The following EFNB2 variants were observed in gnomAD, a reference collection of about 807,000 sequenced individuals.
EFNB2 encodes ephrin B2, also known as ephrin-B2.
A neutral mutation model predicts 32.1 loss-of-function variants in EFNB2; 5 were observed. That is an observed-to-expected ratio of 0.16 (90% CI 0.08 to 0.33). The LOEUF (loss-of-function observed/expected upper bound fraction) is 0.33, where lower values mean the gene tolerates loss of function less well. EFNB2 is among the 10% of genes least tolerant of loss of function. EFNB2 has a pLI of 1.00. For missense variants in EFNB2, 263 were observed against 422.6 expected, an observed-to-expected ratio of 0.62 and a Z score of 3.31; for synonymous variants, 168 against 166.5, an observed-to-expected ratio of 1.01 and a Z score of -0.07.
intron 1 of EFNB2, among the ~76,000 whole-genome samples, chr13:106,531,487 T>C (rs534438748): frequency 1.2e-4 from 18 of 152,320 alleles, no homozygotes; most frequent in African/African-American, 3.6e-4. Flanking sequence ...CTGTGGAGCA[T>C]AGTTCAAGGG....
At chr13:106,513,459 G>A (rs1023171513) in intron 1 of EFNB2, among the ~76,000 whole-genome samples, 2 of 152,186 alleles carry the variant, frequency 1.3e-5, no homozygotes, top group African/African-American at 4.8e-5. Flanking sequence ...GCAAAATGAA[G>A]TGTCCTCTAC....
Position 106,492,788 on chromosome 13 carries a change from C to T in EFNB2, c.*252G>A, listed in dbSNP as rs981939826. On this transcript the variant is annotated 3_prime_UTR_variant, in exon 5 of 5. Coordinates refer to ENST00000646441, the MANE Select transcript of EFNB2 (RefSeq NM_004093.4). This position sits in a 1 kb window ranked among gnomAD's most constrained non-coding sequence, Gnocchi z 5.1. ...GGCTTCGAGGAGGAGACGTGGGACG[C>T]GGCACAGCAGTCCGAATGGGCGTCT... 17 of 442,850 alleles carry T rather than the reference C, an allele frequency of 3.8e-5. No individual in the cohort carries two copies. The highest frequency in any genetic ancestry group is 8.3e-5 in the South Asian group (2 of 24,082). The allele number at this position is 442,850 out of a possible 1,614,324, so 27.4% of individuals were successfully genotyped here. A position where few individuals can be genotyped will look rare whatever the true frequency, so the allele number is the denominator to read the frequency against.
intron 1 of EFNB2, among the ~76,000 whole-genome samples, chr13:106,526,929 G>A (rs1879719468): frequency 6.6e-6 from 1 of 152,182 alleles, no homozygotes; most frequent in Non-Finnish European, 1.5e-5. Flanking sequence ...TAGGTGCCCC[G>A]CAGGGAATGT....
chr13:106,496,067 T>G (rs558055467), intron 2 of EFNB2, among the ~76,000 whole-genome samples: 3 of 152,306 alleles, frequency 2.0e-5, no homozygotes, highest in African/African-American at 7.2e-5. Context: ...GCTATCTGAC[T>G]CCAAATTTAT....
chr13:106,524,080 G>T (rs1418745752), intron 1 of EFNB2, among the ~76,000 whole-genome samples: 1 of 152,072 alleles, frequency 6.6e-6, no homozygotes, highest in Non-Finnish European at 1.5e-5. Context: ...CCTTTAAATG[G>T]GCTGATCATT....
chr13:106,533,397 A>C (rs1342350858), intron 1 of EFNB2, among the ~76,000 whole-genome samples: 1 of 152,228 alleles, frequency 6.6e-6, no homozygotes, highest in Non-Finnish European at 1.5e-5. Flanking sequence ...CCAGTACTTC[A>C]TCAGCAAATA....
At chr13:106,503,686 G>A (rs1002479821) in intron 2 of EFNB2, among the ~76,000 whole-genome samples, 1 of 152,130 alleles carries the variant, frequency 6.6e-6, no homozygotes, top group African/African-American at 2.4e-5. Context: ...ACAGGGCCAT[G>A]TGGATATCTT....
Position 106,501,090 on chromosome 13 carries a change from A to G in EFNB2, c.407-5250T>C, listed in dbSNP as rs117924256. Among the ~76,000 whole-genome samples the G allele has an allele frequency of 2.3e-3, 356 of 152,334 alleles. 1 individual carries two copies. The highest frequency in any genetic ancestry group is 4.3e-3 in the Non-Finnish European group (290 of 68,016). On this transcript the variant is annotated intron_variant, in intron 2 of 4. Transcript: ENST00000646441. ...TTATCTATTTAACACCCTGACATCA[A>G]TTCAAACTATGTACTCTAGAAACAA...
rs755606363 is a variant in EFNB2 at position 106,493,264 on chromosome 13, A to G, written c.778T>C (p.Ser260Pro). The change falls in exon 5 of 5, where the codon TCG becomes CCG. Residue 260 changes from serine (S) to proline (P), a missense_variant. By Grantham distance (74) the Ser-to-Pro change is moderately conservative. Transcript: ENST00000646441. The surrounding 1 kb of genome is among the most constrained non-coding windows in gnomAD (Gnocchi z 6.1). ...LKYRRRHRKHSPQHTTTLSLS... is the reference protein window; with the variant it reads ...LKYRRRHRKHPPQHTTTLSLS... Reference sequence around the variant, plus strand: ...GACAGCGTGGTCGTGTGCTGCGGCGAGTGCTTCCTGTGTCTCCTCCGGTAC... The same window carrying G: ...GACAGCGTGGTCGTGTGCTGCGGCGGGTGCTTCCTGTGTCTCCTCCGGTAC... 1 of 1,614,160 alleles carries G rather than the reference A, an allele frequency of 6.2e-7. No individual in the cohort carries two copies.
At chr13:106,531,599 G>A (rs1198878366) in intron 1 of EFNB2, among the ~76,000 whole-genome samples, 1 of 152,182 alleles carries the variant, frequency 6.6e-6, no homozygotes, top group Non-Finnish European at 1.5e-5. Flanking sequence ...TGAATGGACT[G>A]TTTAAACAGC....
intron 2 of EFNB2, among the ~76,000 whole-genome samples, chr13:106,504,610 T>C (rs1186763227): frequency 6.6e-6 from 1 of 152,148 alleles, no homozygotes; most frequent in Non-Finnish European, 1.5e-5. Context: ...AATACCTTCA[T>C]CCCCTGTTTA....
intron 2 of EFNB2, among the ~76,000 whole-genome samples, chr13:106,496,841 C>T (rs1304950498): frequency 1.3e-5 from 2 of 152,192 alleles, no homozygotes; most frequent in Admixed American, 1.3e-4. Flanking sequence ...CTTTGAATTA[C>T]AGTTCAAGTT....
intron 2 of EFNB2, among the ~76,000 whole-genome samples, chr13:106,504,225 T>C (rs1019015154): frequency 5.9e-5 from 9 of 152,228 alleles, no homozygotes; most frequent in Admixed American, 5.2e-4. Context: ...CTACTGTCAC[T>C]AATTGCATGC....
intron 2 of EFNB2, among the ~76,000 whole-genome samples, chr13:106,500,685 A>G (rs1878747836): frequency 6.6e-6 from 1 of 152,208 alleles, no homozygotes; most frequent in African/African-American, 2.4e-5. Context: ...TTTTATGAAC[A>G]TTCTCTGTCA....
At chr13:106,530,228 G>T (rs961428056) in intron 1 of EFNB2, among the ~76,000 whole-genome samples, 1 of 152,098 alleles carries the variant, frequency 6.6e-6, no homozygotes, top group Non-Finnish European at 1.5e-5. Flanking sequence ...CTTCTTTGCT[G>T]TTCTTATATT....
intron 2 of EFNB2, 105 bp from the exon 3 acceptor site, chr13:106,495,945 A>G (rs901589266): frequency 9.0e-7 from 1 of 1,109,150 alleles, no homozygotes; most frequent in Non-Finnish European, 1.3e-6. Flanking sequence ...TTTGAAAAAT[A>G]AGAATTCACT....
chr13:106,506,199 G>A (rs1643445344), intron 2 of EFNB2: 1 of 152,194 alleles, frequency 6.6e-6, no homozygotes, highest in African/African-American at 2.4e-5. Context: ...CTAATGGGCT[G>A]ATCTACTTTC....
chr13:106,530,042 A>C (rs1879823504), intron 1 of EFNB2, among the ~76,000 whole-genome samples: 1 of 152,230 alleles, frequency 6.6e-6, no homozygotes, highest in Admixed American at 6.5e-5. Flanking sequence ...TATCGTGCTG[A>C]ATTTAAAATG....
chr13:106,535,136 C>T lies in EFNB2; in HGVS notation c.-172G>A. On this transcript the variant is annotated 5_prime_UTR_variant, in exon 1 of 5. Coordinates refer to ENST00000646441, the MANE Select transcript of EFNB2 (RefSeq NM_004093.4). ...GGTCGCCGGGCCAGGTGCGCTCGCT[C>T]TCCGGGGCCCTCAGGGCGCGGGGCG... 1.7e-6 allele frequency: 1 copy of T among 598,022 alleles called. No individual in the cohort carries two copies. Among genetic ancestry groups the T allele is most frequent in the Non-Finnish European group, 2.3e-6 (1 of 440,128 alleles). 37.0% of individuals were successfully genotyped at this position (598,022 alleles called of 1,614,324 possible).
Sources: gnomAD v4.1 joint callset for allele counts (sites outside exome capture counted in the v4.1 genomes callset) on GRCh38, gnomAD v4.1.1 for gene constraint, Gnocchi (gnomAD v3.1) non-coding constraint, MANE v1.5 for transcripts, NCBI Gene and HGNC (gene_info 2026-07-23, HGNC 2026-07-21) for gene names.